The following ARHGEF18 variants were observed in gnomAD, a reference collection of about 807,000 sequenced individuals.
ARHGEF18 encodes the protein Rho/Rac guanine nucleotide exchange factor 18, also known as rho guanine nucleotide exchange factor 18.
Under a neutral mutation model 155.7 loss-of-function variants are expected in ARHGEF18, and 93 were observed. The observed-to-expected ratio is 0.60, with a 90% CI of 0.50 to 0.71. The LOEUF (loss-of-function observed/expected upper bound fraction) is 0.71, where lower values mean the gene tolerates loss of function less well. Ranked by LOEUF, ARHGEF18 falls within the 30% of genes least tolerant of loss-of-function variation. The pLI is 0.00. For missense variants in ARHGEF18, 1,593 were observed against 1,816.1 expected (o/e 0.88, Z 2.23); for synonymous variants, 742 against 753.1 (o/e 0.99, Z 0.24).
Position 7,385,868 on chromosome 19 carries a change from TCTCC to T in ARHGEF18, c.967+2667_967+2670del, listed in dbSNP as rs1568285777. On this transcript the variant is annotated intron_variant, in intron 10 of 28. Coordinates refer to ENST00000668164, the MANE Select transcript of ARHGEF18 (RefSeq NM_001367823.1). ...CTCTCTCTCTCTCTCTCTCTCTCTC[TCTCC>T]CCCCTCCCTCTCTCCCTCCCTCCCT... 7.6e-3 allele frequency among the ~76,000 whole-genome samples: 343 copies of T among 45,298 alleles called. 15 individuals carry two copies. Among genetic ancestry groups the T allele is most frequent in the African/African-American group, 0.015 (133 of 8,652 alleles). 29.7% of individuals were successfully genotyped at this position (45,298 alleles called of 152,430 possible).
intron 17 of ARHGEF18, among the ~76,000 whole-genome samples, chr19:7,456,049 G>C (rs1288615478): frequency 6.6e-6 from 1 of 152,254 alleles, no homozygotes; most frequent in Admixed American, 6.5e-5. Flanking sequence ...ACAGCAAAGA[G>C]AATTGCCGGG....
rs868059992 is a variant in ARHGEF18 at position 7,470,516 on chromosome 19, C to T, written c.*218C>T. On this transcript the variant is annotated 3_prime_UTR_variant, in exon 29 of 29. Coordinates refer to ENST00000668164, the MANE Select transcript of ARHGEF18 (RefSeq NM_001367823.1). This position sits in a 1 kb window ranked among gnomAD's most constrained non-coding sequence, Gnocchi z 5.9. Reference sequence around the variant, plus strand: ...GGTGCCGGGGTCACTTTCTGAATCTCTTTTTTTTTTTTTCAAAAAGGAAAG... The same window carrying T: ...GGTGCCGGGGTCACTTTCTGAATCTTTTTTTTTTTTTTTCAAAAAGGAAAG... The T allele has an allele frequency of 1.2e-3, 407 of 348,960 alleles. 1 individual carries two copies. In the Middle Eastern group the frequency reaches 0.016, roughly 14 times the overall value. The allele number at this position is 348,960 out of a possible 1,614,324, so 21.6% of individuals were successfully genotyped here.
chr19:7,376,100 T>C (rs181566181), intron 4 of ARHGEF18, among the ~76,000 whole-genome samples: 4 of 152,152 alleles, frequency 2.6e-5, no homozygotes, highest in Admixed American at 2.6e-4. Flanking sequence ...AGGCCATGCA[T>C]GGCCATGACT....
intron 13 of ARHGEF18, among the ~76,000 whole-genome samples, chr19:7,443,510 T>C (rs929972718): frequency 6.6e-6 from 1 of 152,132 alleles, no homozygotes; most frequent in Non-Finnish European, 1.5e-5. Flanking sequence ...CCTCAGGTCC[T>C]TTTCCTAAGG....
intron 2 of ARHGEF18, among the ~76,000 whole-genome samples, chr19:7,368,019 G>GGAAGGAAGGAAGGAAGGA (rs1568270733): frequency 1.3e-5 from 1 of 79,446 alleles, no homozygotes; most frequent in African/African-American, 4.9e-5. Flanking sequence ...GGGAGGGAGG[G>GGAAGGAAGGAAGGAAGGA]CGGAAGGAAG....
intron 10 of ARHGEF18, among the ~76,000 whole-genome samples, chr19:7,408,616 C>T (rs1051406933): frequency 6.6e-6 from 1 of 152,246 alleles, no homozygotes; most frequent in African/African-American, 2.4e-5. Context: ...ACAATCTGGG[C>T]CCATCCATGA....
chr19:7,412,972 A>G (rs1972782592), intron 10 of ARHGEF18, among the ~76,000 whole-genome samples: 1 of 152,088 alleles, frequency 6.6e-6, no homozygotes, highest in Non-Finnish European at 1.5e-5. Flanking sequence ...TACTAGTTGC[A>G]TCTGACACTA....
downstream of ARHGEF18, chr19:7,477,372 G>A (rs1442877474): frequency 6.4e-7 from 1 of 1,559,346 alleles, no homozygotes; most frequent in South Asian, 1.2e-5. Flanking sequence ...AGGTTGCTGA[G>A]AAGTGACAGC....
chr19:7,376,300 A>G (rs1200007994), intron 4 of ARHGEF18, among the ~76,000 whole-genome samples: 1 of 152,112 alleles, frequency 6.6e-6, no homozygotes. Flanking sequence ...TGAGGAATGC[A>G]TGCTTGGAGC....
intron 10 of ARHGEF18, among the ~76,000 whole-genome samples, chr19:7,412,966 A>G (rs1247537161): frequency 6.6e-6 from 1 of 152,110 alleles, no homozygotes; most frequent in Non-Finnish European, 1.5e-5. Context: ...TCCCCTTACT[A>G]GTTGCATCTG....
At chr19:7,361,721 C>T (rs1309509155) in intron 1 of ARHGEF18, among the ~76,000 whole-genome samples, 2 of 151,774 alleles carry the variant, frequency 1.3e-5, no homozygotes, top group Non-Finnish European at 2.9e-5. Context: ...GGCCGGGCAC[C>T]GTGGCTCACA....
chr19:7,456,426 C>T (rs374572369), intron 18 of ARHGEF18, 23 bp downstream of exon 18: 315 of 1,609,350 alleles, frequency 2.0e-4, no homozygotes, highest in Non-Finnish European at 2.5e-4. Context: ...TCTCTTCAGA[C>T]GAAGGGTCGG....
At chr19:7,447,014 A>G in intron 14 of ARHGEF18, 29 bp from the exon 15 acceptor site, 1 of 1,606,264 alleles carries the variant, frequency 6.2e-7, no homozygotes, top group Non-Finnish European at 8.5e-7. Flanking sequence ...TTCGTGTTTA[A>G]TTAACATTTC....
chr19:7,468,720 C>T (rs1016124232), intron 26 of ARHGEF18, 105 bp from the exon 27 acceptor site: 5 of 1,271,986 alleles, frequency 3.9e-6, no homozygotes, highest in African/African-American at 1.5e-5. Flanking sequence ...TGGCTCTGTC[C>T]AGAACAGGAG....
intron 2 of ARHGEF18, among the ~76,000 whole-genome samples, chr19:7,372,484 AAAAG>A (rs1970251439): frequency 6.6e-6 from 1 of 152,200 alleles, no homozygotes. Context: ...AAGAAAAAAA[AAAAG>A]AGAGAGAGAT....
At position 7,362,909 on chromosome 19, in the gene ARHGEF18, G is replaced by C; in HGVS notation, c.15+4G>C. On this transcript the variant is annotated splice_donor_region_variant and intron_variant, in intron 2 of 28. Transcript: ENST00000668164. ...CTCTGCCATGGGGGATGATCAGGCAGGTGTCTGACTGCTGAAACGGGCAGG... is the reference window on the plus strand; with the variant it reads ...CTCTGCCATGGGGGATGATCAGGCACGTGTCTGACTGCTGAAACGGGCAGG... 8.1e-7 allele frequency: 1 copy of C among 1,234,366 alleles called. No homozygotes were observed. The highest frequency in any genetic ancestry group is 1.0e-6 in the Non-Finnish European group (1 of 988,174). 76.5% of individuals were successfully genotyped at this position (1,234,366 alleles called of 1,614,324 possible).
chr19:7,458,636 G>A lies in ARHGEF18; in HGVS notation c.2306G>A (p.Ser769Asn). The stretch of plus-strand genomic sequence containing the variant: ...CCGGAGATGTATGAAATCTACACGA[G>A]CTCCAAAGAGGACAGGAACGCCTGG... ...QGPEMYEIYT[S>N]SKEDRNAWMA... The change falls in exon 19 of 29, where the codon AGC becomes AAC. Residue 769 changes from serine to asparagine, a missense_variant. Transcript: ENST00000668164. 1 of 1,614,212 alleles carries A rather than the reference G, an allele frequency of 6.2e-7. No individual in the cohort carries two copies. The highest frequency in any genetic ancestry group is 8.5e-7 in the Non-Finnish European group (1 of 1,180,030).
chr19:7,371,996 C>T (rs1466080986), intron 2 of ARHGEF18, among the ~76,000 whole-genome samples: 2 of 152,130 alleles, frequency 1.3e-5, no homozygotes, highest in Non-Finnish European at 2.9e-5. Context: ...TGGCCCCTTG[C>T]CTCCTGCCGG....
At chr19:7,474,987 A>T (rs959757143), downstream of ARHGEF18, among the ~76,000 whole-genome samples, 5 of 151,950 alleles carry the variant, frequency 3.3e-5, no homozygotes, top group Non-Finnish European at 5.9e-5. Context: ...TAATCCCAGC[A>T]CTTTGGGAGG....
Sources: gnomAD v4.1 joint callset for allele counts (sites outside exome capture counted in the v4.1 genomes callset) on GRCh38, gnomAD v4.1.1 for gene constraint, Gnocchi (gnomAD v3.1) non-coding constraint, MANE v1.5 for transcripts, NCBI Gene and HGNC (gene_info 2026-07-23, HGNC 2026-07-21) for gene names.